Variants in MYO3B observed in about 807,000 individuals in gnomAD.
MYO3B encodes myosin-IIIb.
In MYO3B, 156 loss-of-function variants were observed where a neutral mutation model predicts 174.6. The ratio of observed to expected loss-of-function variants is 0.89; its 90% CI spans 0.78 to 1.02. The LOEUF is 1.02. MYO3B is among the 50% of genes least tolerant of loss of function. The probability of loss-of-function intolerance (pLI) is 0.00; values close to 1 mark genes in which losing one functional copy is unlikely to be tolerated. For synonymous variants in MYO3B, 563 were observed against 569.1 expected (o/e 0.99, Z 0.15); for missense variants, 1,632 against 1,639.4 (o/e 1.00, Z 0.08).
At chr2:170,239,838 G>A (rs959379966) in intron 7 of MYO3B, among the ~76,000 whole-genome samples, 23 of 152,210 alleles carry the variant, frequency 1.5e-4, no homozygotes, top group African/African-American at 5.3e-4. Context: ...CAAACTCGGT[G>A]GATTAAAGCA....
At chr2:170,651,584 C>T (rs770284122) in intron 32 of MYO3B, 44 bp from the exon 33 acceptor site, 4 of 1,548,010 alleles carry the variant, frequency 2.6e-6, no homozygotes, top group South Asian at 2.2e-5. Context: ...TTAATTTTCC[C>T]AACACCTCGG....
At chr2:170,482,295 C>T (rs1436567571) in intron 25 of MYO3B, among the ~76,000 whole-genome samples, 2 of 152,130 alleles carry the variant, frequency 1.3e-5, no homozygotes, top group Non-Finnish European at 2.9e-5. Flanking sequence ...GCTGGGATTA[C>T]AGGTGCGCAC....
At chr2:170,564,313 A>G (rs1050059256) in intron 32 of MYO3B, among the ~76,000 whole-genome samples, 3 of 152,150 alleles carry the variant, frequency 2.0e-5, no homozygotes, top group Non-Finnish European at 4.4e-5. Flanking sequence ...TCTCTACTAA[A>G]AATACAAAAA....
chr2:170,632,408 T>A (rs1456714239), intron 32 of MYO3B, among the ~76,000 whole-genome samples: 1 of 152,034 alleles, frequency 6.6e-6, no homozygotes, highest in African/African-American at 2.4e-5. Flanking sequence ...AAGGCAGAAA[T>A]AAAGATGTTC....
At chr2:170,648,574 G>C (rs1051982061) in intron 32 of MYO3B, among the ~76,000 whole-genome samples, 12 of 147,236 alleles carry the variant, frequency 8.2e-5, no homozygotes, top group African/African-American at 3.0e-4. Flanking sequence ...AGTGAGCTGA[G>C]ATCGTGCCAC....
intron 32 of MYO3B, among the ~76,000 whole-genome samples, chr2:170,624,445 T>C (rs1328725881): frequency 1.3e-5 from 2 of 152,218 alleles, no homozygotes; most frequent in Non-Finnish European, 1.5e-5. Flanking sequence ...AGGTTGCTTA[T>C]CAGCATAAGG....
At chr2:170,260,718 T>TA (rs112888813) in intron 7 of MYO3B, among the ~76,000 whole-genome samples, 13 of 152,296 alleles carry the variant, frequency 8.5e-5, no homozygotes, top group Admixed American at 3.9e-4. Context: ...TGACATTTTC[T>TA]AAAAAAAGAA....
rs770817048 is a variant in MYO3B at position 170,236,075 on chromosome 2, G to A, written c.688G>A (p.Gly230Arg). 126 of 1,613,912 alleles carry A rather than the reference G, an allele frequency of 7.8e-5. 3 individuals carry two copies. The South Asian group carries it at 1.3e-3, about 16-fold the overall frequency. ...WSLGITAIELGDGDPPLFDMH... is the reference protein window; with the variant it reads ...WSLGITAIELRDGDPPLFDMH... The stretch of plus-strand genomic sequence containing the variant: ...CTTGGGGATCACAGCTATTGAACTG[G>A]GGGATGGAGACCCTCCCCTCTTTGA... The change falls in exon 7 of 35, where the codon GGG (glycine) becomes AGG (arginine). Residue 230 changes from glycine to arginine, a missense_variant. Physicochemically the swap from Gly to Arg is moderately radical, Grantham distance 125. Coordinates refer to ENST00000408978, the MANE Select transcript of MYO3B (RefSeq NM_138995.5).
chr2:170,576,619 AAG>A (rs1317145520), intron 32 of MYO3B, among the ~76,000 whole-genome samples: 3 of 152,240 alleles, frequency 2.0e-5, no homozygotes, highest in Non-Finnish European at 4.4e-5. Context: ...ACGAGAAAGA[AAG>A]AGAAAAGAAA....
At chr2:170,363,467 C>T (rs998289505) in intron 8 of MYO3B, among the ~76,000 whole-genome samples, 3 of 152,068 alleles carry the variant, frequency 2.0e-5, no homozygotes, top group Non-Finnish European at 4.4e-5. Context: ...AGCTGTGTCA[C>T]GACAGCATTA....
At chr2:170,179,584 G>T (rs1193222767) in intron 1 of MYO3B, among the ~76,000 whole-genome samples, 1 of 152,088 alleles carries the variant, frequency 6.6e-6, no homozygotes, top group East Asian at 1.9e-4. Flanking sequence ...TCTCTCTTGA[G>T]CTCTCACTCT....
chr2:170,582,468 C>T (rs769194182), intron 32 of MYO3B, among the ~76,000 whole-genome samples: 7 of 152,158 alleles, frequency 4.6e-5, no homozygotes, highest in Non-Finnish European at 8.8e-5. Flanking sequence ...AACCATACAT[C>T]CCTGGTGAGG....
chr2:170,608,952 AAATT>A (rs1239701003), intron 32 of MYO3B, among the ~76,000 whole-genome samples: 2 of 152,246 alleles, frequency 1.3e-5, no homozygotes, highest in Non-Finnish European at 2.9e-5. Context: ...CCCTTGGAAT[AAATT>A]AATCTGTCAG....
At chr2:170,178,334 T>G (rs1254886340) in intron 1 of MYO3B, 45 bp downstream of exon 1, 1 of 1,613,864 alleles carries the variant, frequency 6.2e-7, no homozygotes, top group Admixed American at 1.7e-5. Context: ...TGTGCTTGCT[T>G]TAGATTGTTT....
At chr2:170,303,852 A>T (rs187542723) in intron 7 of MYO3B, among the ~76,000 whole-genome samples, 2,600 of 152,068 alleles carry the variant, frequency 0.017, 89 homozygotes, top group African/African-American at 0.059. Context: ...TGTAACTTTG[A>T]TTTTTTTACC....
intron 32 of MYO3B, among the ~76,000 whole-genome samples, chr2:170,634,594 G>T (rs1697302732): frequency 6.6e-6 from 1 of 152,162 alleles, no homozygotes; most frequent in South Asian, 2.1e-4. Context: ...AAAAGCAATG[G>T]CAACAAAAGC....
At chr2:170,179,220 T>G (rs2092367753) in intron 1 of MYO3B, among the ~76,000 whole-genome samples, 1 of 152,050 alleles carries the variant, frequency 6.6e-6, no homozygotes, top group African/African-American at 2.4e-5. Context: ...AAATAAAATT[T>G]AAAGAAAGGA....
At chr2:170,607,057 G>C (rs1012469398) in intron 32 of MYO3B, among the ~76,000 whole-genome samples, 2 of 152,046 alleles carry the variant, frequency 1.3e-5, no homozygotes, top group African/African-American at 4.8e-5. Flanking sequence ...TAAAATACAA[G>C]TAATAAATAT....
chr2:170,182,701 T>C (rs1196646359), intron 1 of MYO3B, among the ~76,000 whole-genome samples: 1 of 148,536 alleles, frequency 6.7e-6, no homozygotes, highest in Non-Finnish European at 1.5e-5. Flanking sequence ...AACCTACGCC[T>C]CCCAGGTTTA....
Sources: gnomAD v4.1 joint callset for allele counts (sites outside exome capture counted in the v4.1 genomes callset) on GRCh38, gnomAD v4.1.1 for gene constraint, MANE v1.5 for transcripts, NCBI Gene and HGNC (gene_info 2026-07-23, HGNC 2026-07-21) for gene names.